The following KCNAB1 variants were observed in gnomAD, a reference collection of about 807,000 sequenced individuals.
KCNAB1 encodes voltage-gated potassium channel subunit beta-1.
KCNAB1 carries 35 observed loss-of-function variants against 64.6 expected under a neutral mutation model. That is an observed-to-expected ratio of 0.54 (90% CI 0.41 to 0.72). KCNAB1 has a LOEUF of 0.72. KCNAB1 is among the 30% of genes least tolerant of loss of function. The probability of loss-of-function intolerance (pLI) is 0.00; values close to 1 mark genes in which losing one functional copy is unlikely to be tolerated. For synonymous variants in KCNAB1, 177 were observed against 183.8 expected, an observed-to-expected ratio of 0.96 and a Z score of 0.30; for missense variants, 401 against 512.9, an observed-to-expected ratio of 0.78 and a Z score of 2.11.
At chr3:156,271,289 C>G (rs1719022909) in intron 1 of KCNAB1, among the ~76,000 whole-genome samples, 1 of 152,132 alleles carries the variant, frequency 6.6e-6, no homozygotes, top group Admixed American at 6.5e-5. Context: ...CCCTATCTCT[C>G]TATCTCCTTT....
chr3:156,176,011 G>C, intron 1 of KCNAB1: 1 of 843,280 alleles, frequency 1.2e-6, no homozygotes, highest in East Asian at 2.5e-5. Flanking sequence ...CCTGTCGGCT[G>C]TGCCAGGTGC....
chr3:156,483,476 ATC>A (rs1714979768), intron 8 of KCNAB1, among the ~76,000 whole-genome samples: 1 of 151,904 alleles, frequency 6.6e-6, no homozygotes, highest in African/African-American at 2.4e-5. Flanking sequence ...CCTCCCTCCT[ATC>A]TGTGTTCAGC....
intron 1 of KCNAB1, among the ~76,000 whole-genome samples, chr3:156,146,634 G>A (rs988076035): frequency 6.6e-6 from 1 of 152,182 alleles, no homozygotes; most frequent in Non-Finnish European, 1.5e-5. Context: ...CTCCAGGTTC[G>A]TATCTGCCTC....
chr3:156,228,291 G>C (rs1326574557), intron 1 of KCNAB1, among the ~76,000 whole-genome samples: 1 of 152,086 alleles, frequency 6.6e-6, no homozygotes, highest in Non-Finnish European at 1.5e-5. Context: ...TGGGATGAAA[G>C]CTTAGATTTT....
chr3:156,180,657 A>T (rs1209827222), intron 1 of KCNAB1, among the ~76,000 whole-genome samples: 1 of 152,164 alleles, frequency 6.6e-6, no homozygotes, highest in African/African-American at 2.4e-5. Context: ...TACCTACCAC[A>T]TGCAAGGCTC....
chr3:156,294,823 G>A (rs1720676814), intron 1 of KCNAB1, among the ~76,000 whole-genome samples: 1 of 152,098 alleles, frequency 6.6e-6, no homozygotes, highest in Admixed American at 6.5e-5. Context: ...AAGTCTTTTT[G>A]TTCATTTTTC....
intron 1 of KCNAB1, among the ~76,000 whole-genome samples, chr3:156,215,996 TG>T (rs1413214086): frequency 6.6e-6 from 1 of 152,234 alleles, no homozygotes; most frequent in Non-Finnish European, 1.5e-5. Context: ...CAATTTCATA[TG>T]GTTCAACATA....
intron 10 of KCNAB1, among the ~76,000 whole-genome samples, chr3:156,515,894 A>G (rs866870587): frequency 2.0e-5 from 3 of 152,188 alleles, no homozygotes; most frequent in Admixed American, 1.3e-4. Context: ...CAACCGTAAT[A>G]ATTGTTATTA....
intron 1 of KCNAB1, among the ~76,000 whole-genome samples, chr3:156,278,753 C>T (rs1719501719): frequency 6.6e-6 from 1 of 152,002 alleles, no homozygotes; most frequent in Non-Finnish European, 1.5e-5. Context: ...AGCATCAAAA[C>T]TCGCAGAGTC....
intron 8 of KCNAB1, among the ~76,000 whole-genome samples, chr3:156,492,796 T>A (rs1473758687): frequency 6.6e-6 from 1 of 151,924 alleles, no homozygotes; most frequent in African/African-American, 2.4e-5. Context: ...CCAGGAGAGG[T>A]CAACAGATAA....
At chr3:156,454,819 C>T (rs1388365556) in intron 3 of KCNAB1, among the ~76,000 whole-genome samples, 2 of 152,118 alleles carry the variant, frequency 1.3e-5, no homozygotes, top group Non-Finnish European at 2.9e-5. Context: ...GCAGATTGGC[C>T]AAGTAAAGTG....
At chr3:156,177,533 C>G (rs1043631216) in intron 1 of KCNAB1, among the ~76,000 whole-genome samples, 2 of 151,758 alleles carry the variant, frequency 1.3e-5, no homozygotes, top group African/African-American at 4.8e-5. Flanking sequence ...CCCGCCACCC[C>G]GCCTGGCTAA....
intron 1 of KCNAB1, among the ~76,000 whole-genome samples, chr3:156,414,887 T>C (rs1714940595): frequency 6.6e-6 from 1 of 152,200 alleles, no homozygotes; most frequent in Non-Finnish European, 1.5e-5. Context: ...TCCATACAAC[T>C]TTATGTCACA....
At chr3:156,448,046 T>G (rs149663630) in intron 2 of KCNAB1, among the ~76,000 whole-genome samples, 14 of 152,336 alleles carry the variant, frequency 9.2e-5, no homozygotes, top group African/African-American at 3.4e-4. Flanking sequence ...TCTTTTTACC[T>G]TTCATCCATC....
intron 1 of KCNAB1, among the ~76,000 whole-genome samples, chr3:156,264,391 TATG>T (rs1472498109): frequency 6.6e-6 from 1 of 152,088 alleles, no homozygotes; most frequent in Non-Finnish European, 1.5e-5. Context: ...CATTTATTGA[TATG>T]ATTTAATTTA....
rs6799888 is a variant in KCNAB1 at position 156,185,415 on chromosome 3, C to A, written c.275+64529C>A. 9.5e-3 allele frequency among the ~76,000 whole-genome samples: 1,449 copies of A among 152,310 alleles called. 7 individuals are homozygous for A. The highest frequency in any genetic ancestry group is 0.015 in the Non-Finnish European group (1,049 of 68,026). On this transcript the variant is annotated intron_variant, in intron 1 of 13. Transcript: ENST00000490337. The stretch of plus-strand genomic sequence containing the variant: ...GCCAGCTGGGGAGGCACAACTTTAC[C>A]TCTATTCTCTTAGAGTTTTTCTGAT...
rs183070140 is a variant in KCNAB1, at chr3:156,506,580, A to G, written c.659-7784A>G. ...TCAGGGTAGCTACAGGGTGGAGGAA[A>G]ATGCATTGCCTTCAGAGACATAAAG... is the stretch of plus-strand genomic sequence containing the variant. On this transcript the variant is annotated intron_variant, in intron 8 of 13. Coordinates refer to ENST00000490337, the MANE Select transcript of KCNAB1 (RefSeq NM_172160.3). 2.0e-5 allele frequency among the ~76,000 whole-genome samples: 3 copies of G among 152,284 alleles called. No homozygotes were observed. In the East Asian group the frequency reaches 5.8e-4, roughly 29 times the overall value.
intron 2 of KCNAB1, among the ~76,000 whole-genome samples, chr3:156,436,243 A>T (rs897439968): frequency 7.9e-5 from 12 of 152,182 alleles, no homozygotes; most frequent in Non-Finnish European, 2.9e-5. Context: ...AGCAAAGGAC[A>T]TCTCATTCCT....
intron 1 of KCNAB1, among the ~76,000 whole-genome samples, chr3:156,354,116 G>GTGTGTATATATATATATATATATATA (rs1283256738): frequency 1.0e-3 from 106 of 103,974 alleles, no homozygotes; most frequent in Non-Finnish European, 1.7e-3. Flanking sequence ...ATATATGTGT[G>GTGTGTATATATATATATATATATATA]TGTGTATATA....
Sources: allele counts gnomAD v4.1 joint callset (sites outside exome capture counted in the v4.1 genomes callset), GRCh38; gene constraint gnomAD v4.1.1; transcripts MANE v1.5; gene names NCBI Gene and HGNC (gene_info 2026-07-23, HGNC 2026-07-21).